WNT7A: variants seen among roughly 807,000 people sequenced by gnomAD.
WNT7A encodes the protein protein Wnt-7a.
WNT7A carries 16 observed loss-of-function variants against 28.2 expected under a neutral mutation model. The observed-to-expected ratio is 0.57, with a 90% CI of 0.38 to 0.86. WNT7A has a LOEUF of 0.86. Among genes scored for constraint, WNT7A ranks in the 40% least tolerant of loss-of-function variants. The probability of loss-of-function intolerance (pLI) is 0.00; values close to 1 mark genes in which losing one functional copy is unlikely to be tolerated. For synonymous variants in WNT7A, 190 were observed against 195.9 expected, an observed-to-expected ratio of 0.97 and a Z score of 0.25; for missense variants, 411 against 489.7, an observed-to-expected ratio of 0.84 and a Z score of 1.52.
chr3:13,862,682 G>C (rs774928771), intron 2 of WNT7A, among the ~76,000 whole-genome samples: 8 of 152,216 alleles, frequency 5.3e-5, no homozygotes, highest in Non-Finnish European at 1.2e-4. Context: ...TCTGGGCGGA[G>C]CTTGGTAAGG....
At chr3:13,876,535 G>A (rs1695113503) in intron 1 of WNT7A, among the ~76,000 whole-genome samples, 1 of 152,158 alleles carries the variant, frequency 6.6e-6, no homozygotes, top group Admixed American at 6.5e-5. Context: ...TAGAGCCACT[G>A]GACAAGTGCC....
At chr3:13,860,110 G>A (rs371246906) in intron 2 of WNT7A, among the ~76,000 whole-genome samples, 2 of 152,094 alleles carry the variant, frequency 1.3e-5, no homozygotes, top group African/African-American at 4.8e-5. Context: ...ACATTTGTTG[G>A]GCACCTCCTA....
intron 3 of WNT7A, among the ~76,000 whole-genome samples, chr3:13,827,072 C>T (rs1694207408): frequency 6.6e-6 from 1 of 152,166 alleles, no homozygotes; most frequent in African/African-American, 2.4e-5. Context: ...ACAGGGTCTG[C>T]AGGCCTGACC....
intron 2 of WNT7A, among the ~76,000 whole-genome samples, chr3:13,864,645 A>C (rs1694882203): frequency 6.6e-6 from 1 of 152,206 alleles, no homozygotes; most frequent in South Asian, 2.1e-4. Flanking sequence ...ATTCTAGTAA[A>C]TATCTGTGGG....
In WNT7A at chr3:13,868,581, AGAGAGAGAGGG is replaced by A. The variant is rs1559306884; in HGVS notation, c.298+6355_298+6365del. On this transcript the variant is annotated intron_variant, in intron 2 of 3. Transcript: ENST00000285018. ...AAGGGGGAGAGAGAGAGAGAGAGAG[AGAGAGAGAGGG>A]AGAAAGAAAGAAAGAAAGAGAGAGA... Among the ~76,000 whole-genome samples, 180 of 20,030 alleles carry A rather than the reference AGAGAGAGAGGG, an allele frequency of 9.0e-3. 23 individuals carry two copies. Among genetic ancestry groups the A allele is most frequent in the African/African-American group, 0.043 (159 of 3,688 alleles). 13.1% of individuals were successfully genotyped at this position (20,030 alleles called of 152,430 possible).
In WNT7A at chr3:13,878,528, G is replaced by C. The variant is rs1182277463; in HGVS notation, c.71+1218C>G. ...CGCAGCCGCCTCTCCGCCGCTGGTC[G>C]GGCTGGCGGCCCCTGGTCGGCTCTG... On this transcript the variant is annotated intron_variant, in intron 1 of 3. Coordinates refer to ENST00000285018, the MANE Select transcript of WNT7A (RefSeq NM_004625.4). Among the ~76,000 whole-genome samples, 46 of 152,270 alleles carry C rather than the reference G, an allele frequency of 3.0e-4. 1 individual carries two copies.
chr3:13,872,062 C>G (rs1037172437), intron 2 of WNT7A, among the ~76,000 whole-genome samples: 4 of 152,304 alleles, frequency 2.6e-5, no homozygotes, highest in African/African-American at 9.6e-5. Flanking sequence ...TTTCCCCAGA[C>G]ATGCCCATAG....
intron 3 of WNT7A, among the ~76,000 whole-genome samples, chr3:13,852,661 C>T (rs1274637199): frequency 6.6e-6 from 1 of 152,180 alleles, no homozygotes; most frequent in East Asian, 1.9e-4. Context: ...AGGGACTGGC[C>T]ACTTGGGGCT....
chr3:13,874,845 T>G (rs920301901), intron 2 of WNT7A, 102 bp downstream of exon 2: 1 of 1,205,214 alleles, frequency 8.3e-7, no homozygotes, highest in Non-Finnish European at 1.2e-6. Flanking sequence ...CTGAGGGATA[T>G]TCTAGCAGGG....
At chr3:13,863,164 AC>A (rs1352806531) in intron 2 of WNT7A, among the ~76,000 whole-genome samples, 1 of 152,162 alleles carries the variant, frequency 6.6e-6, no homozygotes, top group African/African-American at 2.4e-5. Context: ...AGTAGCTCTT[AC>A]TAGATGCGTT....
chr3:13,860,303 C>T (rs1294119231), intron 2 of WNT7A, among the ~76,000 whole-genome samples: 4 of 152,156 alleles, frequency 2.6e-5, no homozygotes, highest in African/African-American at 7.2e-5. Context: ...CTGTGTCCTT[C>T]CTCAGCCCCA....
At chr3:13,873,640 C>A (rs1695058140) in intron 2 of WNT7A, among the ~76,000 whole-genome samples, 1 of 152,108 alleles carries the variant, frequency 6.6e-6, no homozygotes, top group East Asian at 1.9e-4. Flanking sequence ...GAGCCCCTGC[C>A]CTCATGAAGC....
chr3:13,818,368 A>AAAAAAAAAAAAAAAAAAAAAAAAAAAG lies in WNT7A; in HGVS notation c.*575_*576insCTTTTTTTTTTTTTTTTTTTTTTTTTT, dbSNP rs1575056906. On this transcript the variant is annotated 3_prime_UTR_variant, in exon 4 of 4. Coordinates refer to ENST00000285018, the MANE Select transcript of WNT7A (RefSeq NM_004625.4). ...GCAAACAGCAAAAAAAAAAAAAAAA[A>AAAAAAAAAAAAAAAAAAAAAAAAAAAG]TGTGTGTGTGTATATCTATATATGC... 1 of 150,042 alleles carries AAAAAAAAAAAAAAAAAAAAAAAAAAAG rather than the reference A, an allele frequency of 6.7e-6. No individual in the cohort carries two copies. The allele number at this position is 150,042 out of a possible 1,614,324, so 9.3% of individuals were successfully genotyped here.
chr3:13,829,722 C>T (rs1241883221), intron 3 of WNT7A, among the ~76,000 whole-genome samples: 1 of 152,086 alleles, frequency 6.6e-6, no homozygotes, highest in Non-Finnish European at 1.5e-5. Flanking sequence ...ACAAGGAGGG[C>T]AGGGGGAGGA....
chr3:13,845,839 C>A (rs527342292), intron 3 of WNT7A, among the ~76,000 whole-genome samples: 43 of 152,318 alleles, frequency 2.8e-4, no homozygotes, highest in African/African-American at 9.9e-4. Flanking sequence ...GACACCGAGG[C>A]GAGTCTCACG....
chr3:13,853,221 C>T (rs1694667555), intron 3 of WNT7A, among the ~76,000 whole-genome samples: 1 of 152,170 alleles, frequency 6.6e-6, no homozygotes, highest in South Asian at 2.1e-4. Flanking sequence ...AGGCCTCTGT[C>T]CTCGGTATGC....
intron 3 of WNT7A, among the ~76,000 whole-genome samples, chr3:13,847,608 A>T (rs1694560383): frequency 6.6e-6 from 1 of 152,248 alleles, no homozygotes; most frequent in Admixed American, 6.5e-5. Flanking sequence ...AATAGGCTGA[A>T]AAACGAAACC....
rs553057735 is a variant in WNT7A, at chr3:13,871,565, G to T, written c.298+3382C>A. On this transcript the variant is annotated intron_variant, in intron 2 of 3. Coordinates refer to ENST00000285018, the MANE Select transcript of WNT7A (RefSeq NM_004625.4). ...CTCCCTCCTGGCTGGCCTTTAGGTT[G>T]TCACCATCCCTCCTTCCTAGCTGGC... 4.6e-5 allele frequency among the ~76,000 whole-genome samples: 7 copies of T among 151,978 alleles called. No individual in the cohort carries two copies. The East Asian group carries it at 1.4e-3, about 29-fold the overall frequency.
chr3:13,826,394 C>A (rs940166421), intron 3 of WNT7A, among the ~76,000 whole-genome samples: 3 of 152,104 alleles, frequency 2.0e-5, no homozygotes, highest in Admixed American at 2.0e-4. Flanking sequence ...CCCAAGAAGG[C>A]CAGGGCTGAG....
Sources: gnomAD v4.1 joint callset for allele counts (sites outside exome capture counted in the v4.1 genomes callset) on GRCh38, gnomAD v4.1.1 for gene constraint, MANE v1.5 for transcripts, NCBI Gene and HGNC (gene_info 2026-07-23, HGNC 2026-07-21) for gene names.